The following FNDC3B variants were observed in gnomAD, a reference collection of about 807,000 sequenced individuals.
FNDC3B encodes fibronectin type III domain-containing protein 3B.
A neutral mutation model predicts 151.5 loss-of-function variants in FNDC3B; 12 were observed. The ratio of observed to expected loss-of-function variants is 0.08; its 90% CI spans 0.05 to 0.13. The LOEUF (loss-of-function observed/expected upper bound fraction) is 0.13. FNDC3B is among the 10% of genes least tolerant of loss of function. The probability of loss-of-function intolerance (pLI) is 1.00; values close to 1 mark genes in which losing one functional copy is unlikely to be tolerated. For missense variants in FNDC3B, 1,214 were observed against 1,505.3 expected (o/e 0.81, Z 3.20); for synonymous variants, 528 against 549.0 (o/e 0.96, Z 0.54).
chr3:172,048,611 G>T (rs898673923), intron 1 of FNDC3B, among the ~76,000 whole-genome samples: 1 of 152,076 alleles, frequency 6.6e-6, no homozygotes, highest in East Asian at 1.9e-4. Context: ...ATTCCTATAC[G>T]CAAAAGAAAG....
rs1404592656 is a variant in FNDC3B at position 172,208,171 on chromosome 3, A to G, written c.188-18700A>G. 2.0e-5 allele frequency among the ~76,000 whole-genome samples: 3 copies of G among 152,308 alleles called. No individual in the cohort carries two copies. In the East Asian group the frequency reaches 5.8e-4, roughly 29 times the overall value. ...TAGCTGACATTAGTAAGAATATAAT[A>G]TATTGTGATATGAACACCTGGGAAA... is the stretch of plus-strand genomic sequence containing the variant. On this transcript the variant is annotated intron_variant, in intron 3 of 25. Coordinates refer to ENST00000415807, the MANE Select transcript of FNDC3B (RefSeq NM_022763.4).
intron 3 of FNDC3B, among the ~76,000 whole-genome samples, chr3:172,199,504 A>G (rs1241069427): frequency 2.6e-5 from 4 of 152,234 alleles, no homozygotes; most frequent in South Asian, 2.1e-4. Context: ...TGAAAACACT[A>G]TTGAACTTAC....
chr3:172,229,911 A>C (rs1489196130), intron 4 of FNDC3B, among the ~76,000 whole-genome samples: 1 of 152,242 alleles, frequency 6.6e-6, no homozygotes, highest in Non-Finnish European at 1.5e-5. Context: ...CACTGGAGAA[A>C]AGAATAATCT....
intron 22 of FNDC3B, among the ~76,000 whole-genome samples, chr3:172,361,444 G>T (rs1006002776): frequency 2.6e-5 from 4 of 152,142 alleles, no homozygotes; most frequent in African/African-American, 9.7e-5. Context: ...GATACCCTAA[G>T]TTATCACTCT....
At chr3:172,233,038 A>G (rs184593474) in intron 4 of FNDC3B, among the ~76,000 whole-genome samples, 35 of 152,322 alleles carry the variant, frequency 2.3e-4, no homozygotes, top group Middle Eastern at 3.4e-3. Flanking sequence ...TCCATTGTAT[A>G]CTGGCCATGG....
At chr3:172,270,180 C>T (rs928010201) in intron 6 of FNDC3B, among the ~76,000 whole-genome samples, 13 of 152,200 alleles carry the variant, frequency 8.5e-5, no homozygotes, top group Non-Finnish European at 1.3e-4. Flanking sequence ...ATTGTGCTTG[C>T]GTGTGCACAT....
chr3:172,262,894 C>CAAAAAAA lies in FNDC3B; in HGVS notation c.790+11375_790+11381dup, dbSNP rs67891835. Among the ~76,000 whole-genome samples the CAAAAAAA allele has an allele frequency of 1.0e-3, 63 of 60,598 alleles. 8 individuals carry two copies. Among genetic ancestry groups the CAAAAAAA allele is most frequent in the African/African-American group, 3.6e-3 (56 of 15,534 alleles). 39.8% of individuals were successfully genotyped at this position (60,598 alleles called of 152,430 possible). ...CCTAGATGACAGAGTGAGACCGACT[C>CAAAAAAA]AAAAAAAAAAAAAAAAAAAAAAAAA... is the stretch of plus-strand genomic sequence containing the variant. On this transcript the variant is annotated intron_variant, in intron 6 of 25. Transcript: ENST00000415807.
At chr3:172,179,264 G>A (rs1237029256) in intron 3 of FNDC3B, among the ~76,000 whole-genome samples, 1 of 151,954 alleles carries the variant, frequency 6.6e-6, no homozygotes, top group African/African-American at 2.4e-5. Context: ...TTTTCACCAT[G>A]TTGGCCAGGC....
intron 25 of FNDC3B, among the ~76,000 whole-genome samples, chr3:172,387,458 G>T (rs1162566787): frequency 6.6e-6 from 1 of 152,116 alleles, no homozygotes; most frequent in Non-Finnish European, 1.5e-5. Context: ...ATTAAACAAT[G>T]AGGCTATGAC....
intron 3 of FNDC3B, among the ~76,000 whole-genome samples, chr3:172,223,163 A>G (rs1726376065): frequency 6.6e-6 from 1 of 152,220 alleles, no homozygotes; most frequent in Non-Finnish European, 1.5e-5. Context: ...GGCATTCTCA[A>G]ACACAGTTCA....
At chr3:172,311,709 A>G (rs1228775923) in intron 11 of FNDC3B, among the ~76,000 whole-genome samples, 1 of 111,460 alleles carries the variant, frequency 9.0e-6, no homozygotes, top group East Asian at 2.6e-4. Context: ...TACTAAAAAT[A>G]CAAAAAAAAA....
At chr3:172,365,360 T>C (rs1043938489) in intron 23 of FNDC3B, among the ~76,000 whole-genome samples, 8 of 152,198 alleles carry the variant, frequency 5.3e-5, no homozygotes, top group Admixed American at 6.5e-5. Flanking sequence ...GTTCTTCTTA[T>C]GCATGTGGCC....
intron 23 of FNDC3B, among the ~76,000 whole-genome samples, chr3:172,363,074 CT>C (rs1039107985): frequency 6.6e-6 from 1 of 151,890 alleles, no homozygotes; most frequent in South Asian, 2.1e-4. Context: ...ATAATATGCA[CT>C]TTTTTTTCCT....
intron 11 of FNDC3B, among the ~76,000 whole-genome samples, chr3:172,322,860 T>A (rs1220865417): frequency 4.1e-5 from 5 of 121,788 alleles, no homozygotes; most frequent in Admixed American, 4.0e-4. Flanking sequence ...TCTTCTCAGC[T>A]AGCAGATGGA....
At position 172,401,437 on chromosome 3, in the gene FNDC3B, C is replaced by G. The variant is rs113697834; in HGVS notation, c.*3962C>G. 1,608 of 152,294 alleles carry G rather than the reference C, an allele frequency of 0.011. 5 individuals carry two copies. The highest frequency in any genetic ancestry group is 0.018 in the Non-Finnish European group (1,203 of 68,052). The allele number at this position is 152,294 out of a possible 1,614,324, so 9.4% of individuals were successfully genotyped here. A position where few individuals can be genotyped will look rare whatever the true frequency, so the allele number is the denominator to read the frequency against. On this transcript the variant is annotated 3_prime_UTR_variant, in exon 26 of 26. Transcript: ENST00000415807. Reference sequence around the variant, plus strand: ...GGGCCAACTAAAAGGTGATTGTGGACTATACAGGCTGCCAGTTTAATCCTT... The same window carrying G: ...GGGCCAACTAAAAGGTGATTGTGGAGTATACAGGCTGCCAGTTTAATCCTT...
intron 8 of FNDC3B, among the ~76,000 whole-genome samples, chr3:172,297,768 C>G (rs1229550200): frequency 2.0e-4 from 20 of 99,450 alleles, no homozygotes; most frequent in Admixed American, 1.5e-3. Flanking sequence ...GCCACCGCGC[C>G]CGGCCTTTTT....
intron 3 of FNDC3B, among the ~76,000 whole-genome samples, chr3:172,183,096 G>A (rs755613211): frequency 2.6e-5 from 4 of 152,194 alleles, no homozygotes; most frequent in Admixed American, 6.5e-5. Context: ...TTTAGAATTT[G>A]TGTGGACAGA....
intron 3 of FNDC3B, among the ~76,000 whole-genome samples, chr3:172,142,326 C>T (rs547173466): frequency 6.6e-6 from 1 of 152,318 alleles, no homozygotes; most frequent in Admixed American, 6.5e-5. Flanking sequence ...TCTAACACTT[C>T]AAAATAACAT....
chr3:172,227,100 T>C, intron 4 of FNDC3B, 153 bp downstream of exon 4: 1 of 586,606 alleles, frequency 1.7e-6, no homozygotes, highest in Non-Finnish European at 3.1e-6. Flanking sequence ...TGGCGTTTCT[T>C]GTGTCTTGCC....
Sources: allele counts gnomAD v4.1 joint callset (sites outside exome capture counted in the v4.1 genomes callset), GRCh38; gene constraint gnomAD v4.1.1; transcripts MANE v1.5; gene names NCBI Gene and HGNC (gene_info 2026-07-23, HGNC 2026-07-21).